Variants in SLC35D4 observed in about 807,000 individuals in gnomAD.
SLC35D4 encodes solute carrier family 35 member D4.
the SLC35D4 span, among the ~76,000 whole-genome samples, chr18:23,371,086 C>T: frequency 2.8e-5 from 4 of 142,966 alleles, no homozygotes; most frequent in East Asian, 2.0e-4. Flanking sequence ...TCCCTCTCTC[C>T]CTCTCTCTCT....
At chr18:23,384,189 G>C in the SLC35D4 span, among the ~76,000 whole-genome samples, 1 of 152,108 alleles carries the variant, frequency 6.6e-6, no homozygotes, top group Non-Finnish European at 1.5e-5. Flanking sequence ...TGCTCAGGAG[G>C]CTGGGCCAGA....
the SLC35D4 span, among the ~76,000 whole-genome samples, chr18:23,384,782 G>A: frequency 6.6e-6 from 1 of 152,170 alleles, no homozygotes; most frequent in Non-Finnish European, 1.5e-5. Context: ...TCTGAGTTCA[G>A]TTCATATCAA....
the SLC35D4 span, among the ~76,000 whole-genome samples, chr18:23,369,038 C>A: frequency 1.8e-3 from 267 of 152,230 alleles, no homozygotes; most frequent in African/African-American, 6.2e-3. Flanking sequence ...CCATATTTAA[C>A]AAATAAAAAT....
At chr18:23,405,496 T>G in the SLC35D4 span, among the ~76,000 whole-genome samples, 3 of 152,252 alleles carry the variant, frequency 2.0e-5, no homozygotes, top group African/African-American at 7.2e-5. Flanking sequence ...GGCCAATTTC[T>G]GTTGTTTATA....
the SLC35D4 span, among the ~76,000 whole-genome samples, chr18:23,246,254 A>G: frequency 6.8e-6 from 1 of 146,212 alleles, no homozygotes; most frequent in Non-Finnish European, 1.5e-5. Flanking sequence ...TGACAGAGTG[A>G]GACTCCATCT....
chr18:23,296,578 G>C, the SLC35D4 span: 1 of 152,282 alleles, frequency 6.6e-6, no homozygotes, highest in Admixed American at 6.5e-5. Flanking sequence ...AAAGTGCTGG[G>C]ATTATAGGCG....
At chr18:23,329,379 A>T in the SLC35D4 span, among the ~76,000 whole-genome samples, 2 of 152,248 alleles carry the variant, frequency 1.3e-5, no homozygotes, top group East Asian at 3.8e-4. Flanking sequence ...AAACCACCCC[A>T]TCAATAAGTG....
chr18:23,316,277 G>A, the SLC35D4 span, among the ~76,000 whole-genome samples: 1 of 152,192 alleles, frequency 6.6e-6, no homozygotes. Context: ...GTCTGTCTGT[G>A]TTGCAGACTC....
the SLC35D4 span, among the ~76,000 whole-genome samples, chr18:23,419,359 C>A: frequency 2.6e-5 from 4 of 151,928 alleles, no homozygotes; most frequent in Non-Finnish European, 4.4e-5. Flanking sequence ...GTGGCGCAAT[C>A]TTGGCTCACT....
At chr18:23,414,942 G>C in the SLC35D4 span, among the ~76,000 whole-genome samples, 1 of 152,048 alleles carries the variant, frequency 6.6e-6, no homozygotes, top group Admixed American at 6.6e-5. Flanking sequence ...GTGAGATGCT[G>C]TCTCTACAAA....
At chr18:23,361,826 G>GTTT in the SLC35D4 span, among the ~76,000 whole-genome samples, 1 of 152,166 alleles carries the variant, frequency 6.6e-6, no homozygotes, top group African/African-American at 2.4e-5. Flanking sequence ...CTCCAAACAG[G>GTTT]TTTTCAAATG....
chr18:23,295,810 G>C, the SLC35D4 span, among the ~76,000 whole-genome samples: 1 of 152,034 alleles, frequency 6.6e-6, no homozygotes. Flanking sequence ...TGGGCAGGGG[G>C]TCTCCATCAA....
chr18:23,291,136 G>A, the SLC35D4 span, among the ~76,000 whole-genome samples: 25 of 152,308 alleles, frequency 1.6e-4, no homozygotes, highest in Admixed American at 1.3e-3. Flanking sequence ...CTGCAATGGG[G>A]TCTGAACAAG....
the SLC35D4 span, among the ~76,000 whole-genome samples, chr18:23,349,770 T>G: frequency 6.6e-6 from 1 of 151,014 alleles, no homozygotes; most frequent in Non-Finnish European, 1.5e-5. Context: ...ATCTGTTGAG[T>G]CCCTCTAGAG....
At chr18:23,262,316 T>C in the SLC35D4 span, among the ~76,000 whole-genome samples, 1 of 152,222 alleles carries the variant, frequency 6.6e-6, no homozygotes, top group Non-Finnish European at 1.5e-5. Context: ...TCACAGCAGC[T>C]GCTGGTTAAG....
At chr18:23,364,384 A>G in the SLC35D4 span, among the ~76,000 whole-genome samples, 3 of 152,162 alleles carry the variant, frequency 2.0e-5, no homozygotes, top group Admixed American at 1.3e-4. Flanking sequence ...GAAAGTTCCA[A>G]TCCTTCTGAG....
At chr18:23,360,181 A>C in the SLC35D4 span, among the ~76,000 whole-genome samples, 4 of 152,204 alleles carry the variant, frequency 2.6e-5, no homozygotes, top group African/African-American at 7.2e-5. Flanking sequence ...AGCAACTGGA[A>C]CTCTCACATA....
chr18:23,310,757 T>C, the SLC35D4 span, among the ~76,000 whole-genome samples: 1 of 152,030 alleles, frequency 6.6e-6, no homozygotes, highest in African/African-American at 2.4e-5. Context: ...TCGTCACGCA[T>C]TACCATCTCA....
chr18:23,354,586 G>A, the SLC35D4 span, among the ~76,000 whole-genome samples: 1 of 151,150 alleles, frequency 6.6e-6, no homozygotes, highest in Non-Finnish European at 1.5e-5. Context: ...AAGGGAGGCA[G>A]CAGTGCTCCA....
Sources: gnomAD v4.1 joint callset for allele counts (sites outside exome capture counted in the v4.1 genomes callset) on GRCh38, gnomAD v4.1.1 for gene constraint, MANE v1.5 for transcripts, NCBI Gene and HGNC (gene_info 2026-07-23, HGNC 2026-07-21) for gene names.